DPP10: variants seen among roughly 807,000 people sequenced by gnomAD.
DPP10 encodes dipeptidyl peptidase like 10, also known as inactive dipeptidyl peptidase 10.
In DPP10, 33 loss-of-function variants were observed where a neutral mutation model predicts 120.9. The observed-to-expected ratio is 0.27, with a 90% CI of 0.21 to 0.37. The LOEUF is 0.37. Ranked by LOEUF, DPP10 falls within the 10% of genes least tolerant of loss-of-function variation. The pLI is 1.00. For missense variants in DPP10, 816 were observed against 942.8 expected, an observed-to-expected ratio of 0.87 and a Z score of 1.76; for synonymous variants, 337 against 326.1, an observed-to-expected ratio of 1.03 and a Z score of -0.36.
At chr2:114,771,414 G>A (rs1308710042) in intron 1 of DPP10, among the ~76,000 whole-genome samples, 1 of 152,176 alleles carries the variant, frequency 6.6e-6, no homozygotes, top group Non-Finnish European at 1.5e-5. Flanking sequence ...TTACCAACCA[G>A]ATTCATCATC....
chr2:114,896,969 C>A (rs985235231), intron 1 of DPP10, among the ~76,000 whole-genome samples: 6 of 152,134 alleles, frequency 3.9e-5, no homozygotes, highest in Non-Finnish European at 8.8e-5. Flanking sequence ...TTGTCAAAAG[C>A]CTTTTCTGCA....
At chr2:114,490,767 T>A (rs1681923494) in intron 1 of DPP10, among the ~76,000 whole-genome samples, 1 of 151,802 alleles carries the variant, frequency 6.6e-6, no homozygotes, top group Non-Finnish European at 1.5e-5. Context: ...GAATTTTAGT[T>A]AATCCATGAT....
At chr2:115,156,054 C>G (rs1260298036) in intron 1 of DPP10, among the ~76,000 whole-genome samples, 1 of 152,154 alleles carries the variant, frequency 6.6e-6, no homozygotes, top group Non-Finnish European at 1.5e-5. Context: ...AGATGTGTGA[C>G]AGATTGACAG....
rs867757718 is a variant in DPP10 at position 114,574,154 on chromosome 2, G to T, written c.60+131316G>T. On this transcript the variant is annotated intron_variant, in intron 1 of 25. Transcript: ENST00000410059. The stretch of plus-strand genomic sequence containing the variant: ...GGGACAGTGGTGTCAGTGAGAAGGG[G>T]CAGACCATTTTACCACTTTATATTA... Among the ~76,000 whole-genome samples, 3 of 152,280 alleles carry T rather than the reference G, an allele frequency of 2.0e-5. No individual in the cohort carries two copies. The East Asian group carries it at 5.8e-4, about 29-fold the overall frequency.
At chr2:114,805,015 G>A (rs963857807) in intron 1 of DPP10, among the ~76,000 whole-genome samples, 2 of 152,074 alleles carry the variant, frequency 1.3e-5, no homozygotes, top group Non-Finnish European at 2.9e-5. Context: ...TTGAATCATG[G>A]GGGCTGATCT....
intron 1 of DPP10, among the ~76,000 whole-genome samples, chr2:114,541,530 T>C (rs1686954458): frequency 6.6e-6 from 1 of 152,214 alleles, no homozygotes; most frequent in African/African-American, 2.4e-5. Context: ...CATCAGATCT[T>C]ATACTCTAGC....
chr2:114,742,985 A>C lies in DPP10; in HGVS notation c.60+300147A>C, dbSNP rs1217757616. 5.3e-5 allele frequency among the ~76,000 whole-genome samples: 8 copies of C among 152,322 alleles called. No individual in the cohort carries two copies. The East Asian group carries it at 1.5e-3, about 29-fold the overall frequency. On this transcript the variant is annotated intron_variant, in intron 1 of 25. Transcript: ENST00000410059. ...TGCATTGAGCTAAATGGAAGAAAAA[A>C]ATTTTAGTAACACCTTGAAATTCAC...
intron 1 of DPP10, among the ~76,000 whole-genome samples, chr2:115,141,306 C>G (rs1350935696): frequency 6.6e-6 from 1 of 152,092 alleles, no homozygotes; most frequent in Admixed American, 6.5e-5. Context: ...GCAATTTAGG[C>G]AGGGAGGAAA....
Position 115,768,386 on chromosome 2 carries a change from A to G in DPP10, c.1203A>G (p.Val401=). 6.2e-7 allele frequency: 1 copy of G among 1,613,180 alleles called. No individual in the cohort carries two copies. Among genetic ancestry groups the G allele is most frequent in the Non-Finnish European group, 8.5e-7 (1 of 1,179,384 alleles). ...KQGGRGEFHH[V]AMFLIQSKSE... ...GGGGACGTGGAGAATTTCACCACGT[A>G]GCTATGTTCCTCATCCAGGTAAGTG... The change falls in exon 13 of 26, where the codon GTA becomes GTG. Residue 401 remains valine (V), a synonymous_variant. Transcript: ENST00000410059.
At chr2:115,027,849 T>C (rs1468957515) in intron 1 of DPP10, among the ~76,000 whole-genome samples, 1 of 152,108 alleles carries the variant, frequency 6.6e-6, no homozygotes, top group Non-Finnish European at 1.5e-5. Context: ...GTAGGTTATA[T>C]GTGTCAAGAA....
At chr2:115,506,232 GTA>G (rs2076935041) in intron 4 of DPP10, among the ~76,000 whole-genome samples, 1 of 151,974 alleles carries the variant, frequency 6.6e-6, no homozygotes, top group Non-Finnish European at 1.5e-5. Flanking sequence ...TATTTTAATA[GTA>G]TATTGGAAAT....
chr2:114,946,181 C>G (rs1268421970), intron 1 of DPP10, among the ~76,000 whole-genome samples: 1 of 152,148 alleles, frequency 6.6e-6, no homozygotes, highest in Non-Finnish European at 1.5e-5. Flanking sequence ...AAAGTATGGA[C>G]TTTGCTAAAC....
At chr2:115,631,214 G>A (rs952234067) in intron 5 of DPP10, among the ~76,000 whole-genome samples, 2 of 152,046 alleles carry the variant, frequency 1.3e-5, no homozygotes, top group African/African-American at 2.4e-5. Flanking sequence ...TTGCATAGGG[G>A]TATTTATAGC....
chr2:115,059,736 G>A (rs1256615408), intron 1 of DPP10, among the ~76,000 whole-genome samples: 1 of 151,284 alleles, frequency 6.6e-6, no homozygotes, highest in Non-Finnish European at 1.5e-5. Context: ...CTGATGGCGG[G>A]GACGGGAAGG....
chr2:114,993,494 A>C (rs1700871065), intron 1 of DPP10, among the ~76,000 whole-genome samples: 1 of 150,128 alleles, frequency 6.7e-6, no homozygotes, highest in Non-Finnish European at 1.5e-5. Context: ...AAAATTAATA[A>C]ACTGAAAACT....
At chr2:115,566,818 C>T (rs2081036375) in intron 5 of DPP10, among the ~76,000 whole-genome samples, 1 of 152,154 alleles carries the variant, frequency 6.6e-6, no homozygotes, top group Non-Finnish European at 1.5e-5. Flanking sequence ...CAGTATCTGT[C>T]TCTAGCTCTT....
At chr2:115,538,335 A>C (rs1465479845) in intron 5 of DPP10, among the ~76,000 whole-genome samples, 1 of 152,030 alleles carries the variant, frequency 6.6e-6, no homozygotes, top group Non-Finnish European at 1.5e-5. Flanking sequence ...TTGATATTAC[A>C]TGTGAGAGCC....
intron 1 of DPP10, among the ~76,000 whole-genome samples, chr2:114,754,735 C>T (rs1337977501): frequency 2.0e-5 from 3 of 151,302 alleles, no homozygotes; most frequent in African/African-American, 7.4e-5. Context: ...GTGGAAATGG[C>T]ATTTCTAAGC....
At chr2:115,840,879 A>C in intron 25 of DPP10, 56 bp downstream of exon 25, 1 of 1,422,746 alleles carries the variant, frequency 7.0e-7, no homozygotes, top group Non-Finnish European at 9.9e-7. Context: ...CACTTGTGAG[A>C]TACGCAACAC....
Sources: gnomAD v4.1 joint callset for allele counts (sites outside exome capture counted in the v4.1 genomes callset) on GRCh38, gnomAD v4.1.1 for gene constraint, MANE v1.5 for transcripts, NCBI Gene and HGNC (gene_info 2026-07-23, HGNC 2026-07-21) for gene names.